SYNE2: variants seen among roughly 807,000 people sequenced by gnomAD.
The protein encoded by SYNE2 is spectrin repeat containing nuclear envelope protein 2.
In SYNE2, 431 loss-of-function variants were observed where a neutral mutation model predicts 856.3. That is an observed-to-expected ratio of 0.50 (90% CI 0.47 to 0.55). The LOEUF (loss-of-function observed/expected upper bound fraction) is 0.55, where lower values mean the gene tolerates loss of function less well. Ranked by LOEUF, SYNE2 falls within the 20% of genes least tolerant of loss-of-function variation. The pLI is 0.00. For synonymous variants in SYNE2, 2,923 were observed against 2,872.3 expected, an observed-to-expected ratio of 1.02 and a Z score of -0.56; for missense variants, 8,129 against 8,023.2, an observed-to-expected ratio of 1.01 and a Z score of -0.50.
In SYNE2 at chr14:64,021,440, C is replaced by G. The variant is rs369034820; in HGVS notation, c.5277C>G (p.Thr1759=). 12 of 1,614,114 alleles carry G rather than the reference C, an allele frequency of 7.4e-6. No individual in the cohort carries two copies. Among genetic ancestry groups the G allele is most frequent in the African/African-American group, 4.0e-5 (3 of 75,000 alleles). The change falls in exon 36 of 116, where the codon ACC becomes ACG. Residue 1759 remains threonine, a synonymous_variant. Transcript: ENST00000555002. ...ELREDLDQAK[T]QIGMTESLLK... Reference sequence around the variant, plus strand: ...GGGAGGATCTCGACCAAGCCAAGACCCAGATCGGGATGACTGAATCCCTCT... The same window carrying G: ...GGGAGGATCTCGACCAAGCCAAGACGCAGATCGGGATGACTGAATCCCTCT...
chr14:63,941,847 C>T, intron 4 of SYNE2, 38 bp from the exon 5 acceptor site: 1 of 1,610,062 alleles, frequency 6.2e-7, no homozygotes, highest in Non-Finnish European at 8.5e-7. Context: ...ATATGTATTT[C>T]ATTTTTTCTG....
chr14:64,195,622 C>T (rs189876197), intron 99 of SYNE2, among the ~76,000 whole-genome samples: 3 of 152,302 alleles, frequency 2.0e-5, no homozygotes, highest in Admixed American at 6.5e-5. Flanking sequence ...AAAATGTTAC[C>T]GTTAAACTCA....
At chr14:64,202,698 C>A in intron 99 of SYNE2, 103 bp from the exon 100 acceptor site, 1 of 1,460,616 alleles carries the variant, frequency 6.8e-7, no homozygotes, top group Non-Finnish European at 9.5e-7. Flanking sequence ...TTTTACCCTG[C>A]AATGCTCTTA....
intron 42 of SYNE2, among the ~76,000 whole-genome samples, 192 bp from the exon 43 acceptor site, chr14:64,027,292 T>A (rs1162645801): frequency 6.6e-6 from 1 of 152,106 alleles, no homozygotes; most frequent in African/African-American, 2.4e-5. Context: ...TTAGTAATAC[T>A]CAAATAATTT....
chr14:64,013,199 C>G (rs2096860819), intron 32 of SYNE2, among the ~76,000 whole-genome samples: 1 of 151,964 alleles, frequency 6.6e-6, no homozygotes, highest in African/African-American at 2.4e-5. Context: ...GCTAGTTTAA[C>G]AAGAAAGTTC....
At chr14:64,119,651 A>G (rs764847587) in intron 67 of SYNE2, 42 bp downstream of exon 67, 2 of 1,602,994 alleles carry the variant, frequency 1.2e-6, no homozygotes, top group Middle Eastern at 1.7e-4. Context: ...TGATACACAT[A>G]TGTGGCAGAC....
At chr14:63,869,438 A>G (rs1347154008) in intron 1 of SYNE2, among the ~76,000 whole-genome samples, 1 of 151,914 alleles carries the variant, frequency 6.6e-6, no homozygotes, top group Non-Finnish European at 1.5e-5. Flanking sequence ...CCTGGTCAAC[A>G]TGGTGAAACC....
intron 8 of SYNE2, among the ~76,000 whole-genome samples, chr14:63,959,512 G>A (rs776280979): frequency 1.3e-5 from 2 of 151,542 alleles, no homozygotes; most frequent in Non-Finnish European, 2.9e-5. Context: ...TGGCCAGGAT[G>A]GTCTAGAACT....
At chr14:64,023,163 C>T in intron 38 of SYNE2, 1 of 351,264 alleles carries the variant, frequency 2.8e-6, no homozygotes, top group Non-Finnish European at 5.3e-6. Flanking sequence ...TCGCTTGAGC[C>T]TGGGAGGAGG....
At chr14:63,858,409 A>G (rs1892513479) in intron 1 of SYNE2, among the ~76,000 whole-genome samples, 1 of 145,772 alleles carries the variant, frequency 6.9e-6, no homozygotes, top group Admixed American at 6.9e-5. Flanking sequence ...GGCATGAGCC[A>G]CTGCACCCAG....
chr14:64,202,409 A>G, intron 99 of SYNE2: 1 of 646,572 alleles, frequency 1.5e-6, no homozygotes, highest in Non-Finnish European at 2.8e-6. Context: ...TCTCAGGCAT[A>G]CCCACGGCAG....
chr14:64,061,615 G>A (rs1191315706), intron 49 of SYNE2, among the ~76,000 whole-genome samples: 1 of 152,160 alleles, frequency 6.6e-6, no homozygotes, highest in African/African-American at 2.4e-5. Context: ...CTGCTAATTA[G>A]TTTGATCTCT....
At chr14:63,936,954 A>C (rs2095841183) in intron 2 of SYNE2, among the ~76,000 whole-genome samples, 1 of 152,144 alleles carries the variant, frequency 6.6e-6, no homozygotes, top group African/African-American at 2.4e-5. Context: ...TTAGATATGA[A>C]ACGTGAGAGA....
At chr14:63,950,360 C>T (rs371955516) in intron 7 of SYNE2, among the ~76,000 whole-genome samples, 16 of 152,170 alleles carry the variant, frequency 1.1e-4, no homozygotes, top group Non-Finnish European at 8.8e-5. Context: ...TCGAGACCAG[C>T]CTGGCTAACA....
At chr14:64,211,589 G>T (rs552187842) in intron 103 of SYNE2, among the ~76,000 whole-genome samples, 1 of 152,366 alleles carries the variant, frequency 6.6e-6, no homozygotes, top group Admixed American at 6.5e-5. Flanking sequence ...CAGGCAGAAG[G>T]CCTGGCCTGG....
At position 63,993,841 on chromosome 14, in the gene SYNE2, C is replaced by T; in HGVS notation, c.2653C>T (p.Leu885=). 6.3e-7 allele frequency: 1 copy of T among 1,596,316 alleles called. No individual in the cohort carries two copies. ...CAATTTTTTTTTTTTTTAGGAAGCA[C>T]TAATAATTTCTAATACAAAAAGTCT... ...GELISKHKEA[L]IISNTKSLAK... The change falls in exon 22 of 116, where the codon CTA becomes TTA. Residue 885 remains leucine, a synonymous_variant. Transcript: ENST00000555002.
At chr14:64,202,639 G>A (rs1163089103) in intron 99 of SYNE2, among the ~76,000 whole-genome samples, 162 bp from the exon 100 acceptor site, 2 of 152,140 alleles carry the variant, frequency 1.3e-5, no homozygotes, top group Non-Finnish European at 2.9e-5. Flanking sequence ...ACTCGTATCT[G>A]GTGACATGAG....
intron 1 of SYNE2, among the ~76,000 whole-genome samples, chr14:63,796,072 G>C (rs900220763): frequency 6.6e-6 from 1 of 152,214 alleles, no homozygotes. Context: ...ATCTGTCCAA[G>C]GTTGTGCAGC....
chr14:64,110,822 T>A lies in SYNE2; in HGVS notation c.12610-2519T>A, dbSNP rs1380638185. On this transcript the variant is annotated intron_variant, in intron 65 of 115. Coordinates refer to ENST00000555002, the MANE Select transcript of SYNE2 (RefSeq NM_182914.3). ...AGGCATGTGGGCTGATTGAACATTC[T>A]GTGCACTTGGATTTCTTAGACTTTA... 6.6e-5 allele frequency among the ~76,000 whole-genome samples: 10 copies of A among 152,158 alleles called. No homozygotes were observed. In the East Asian group the frequency reaches 1.9e-3, roughly 29 times the overall value.
Sources: gnomAD v4.1 joint callset for allele counts (sites outside exome capture counted in the v4.1 genomes callset) on GRCh38, gnomAD v4.1.1 for gene constraint, MANE v1.5 for transcripts, NCBI Gene and HGNC (gene_info 2026-07-23, HGNC 2026-07-21) for gene names.